Variants in DPP6 observed in about 807,000 individuals in gnomAD.
DPP6 encodes dipeptidyl peptidase like 6.
A neutral mutation model predicts 122.6 loss-of-function variants in DPP6; 69 were observed. The ratio of observed to expected loss-of-function variants is 0.56; its 90% CI spans 0.46 to 0.69. The LOEUF is 0.69. DPP6 is among the 30% of genes least tolerant of loss of function. The probability of loss-of-function intolerance (pLI) is 0.00; values close to 1 mark genes in which losing one functional copy is unlikely to be tolerated. For synonymous variants in DPP6, 418 were observed against 433.1 expected, an observed-to-expected ratio of 0.97 and a Z score of 0.43; for missense variants, 928 against 1,116.9, an observed-to-expected ratio of 0.83 and a Z score of 2.41.
chr7:154,705,016 G>A (rs993149855), intron 7 of DPP6, among the ~76,000 whole-genome samples: 4 of 152,136 alleles, frequency 2.6e-5, no homozygotes, highest in Non-Finnish European at 2.9e-5. Flanking sequence ...ACAAGCACAC[G>A]CCATTGATGT....
intron 5 of DPP6, among the ~76,000 whole-genome samples, chr7:154,615,799 A>T (rs1834210333): frequency 2.0e-5 from 3 of 151,854 alleles, no homozygotes. Flanking sequence ...CTTACCATTC[A>T]CAATGTTGTG....
chr7:154,870,989 G>A (rs62472962), intron 18 of DPP6, among the ~76,000 whole-genome samples: 36,901 of 147,352 alleles, frequency 0.25, 6,068 homozygotes, highest in East Asian at 0.54. Flanking sequence ...AAAAAAATGT[G>A]TGTGTTATCC....
chr7:154,865,139 C>G (rs3778737), intron 17 of DPP6, among the ~76,000 whole-genome samples: 38,678 of 152,090 alleles, frequency 0.25, 6,894 homozygotes, highest in East Asian at 0.51. Flanking sequence ...GCAGACCCCC[C>G]CAGCTGAAGC....
chr7:154,706,155 C>G (rs562012682), intron 7 of DPP6, among the ~76,000 whole-genome samples: 2 of 152,208 alleles, frequency 1.3e-5, no homozygotes, highest in Non-Finnish European at 2.9e-5. Context: ...AGTGTAACTT[C>G]TAGGATCCTG....
chr7:153,966,152 G>A (rs1283853697), intron 1 of DPP6, among the ~76,000 whole-genome samples: 9 of 99,906 alleles, frequency 9.0e-5, no homozygotes, highest in African/African-American at 2.5e-4. Flanking sequence ...CTCTCGTGGC[G>A]TTGAAAAGCT....
intron 3 of DPP6, among the ~76,000 whole-genome samples, chr7:154,499,137 T>C (rs1220339685): frequency 1.3e-5 from 2 of 152,148 alleles, no homozygotes; most frequent in Non-Finnish European, 2.9e-5. Flanking sequence ...ATTGAATCCC[T>C]AGCCAACATT....
chr7:154,401,961 A>G (rs1362952036), intron 1 of DPP6, among the ~76,000 whole-genome samples: 1 of 152,266 alleles, frequency 6.6e-6, no homozygotes, highest in East Asian at 1.9e-4. Flanking sequence ...ACTTCTCAGA[A>G]GAAGACATTT....
At chr7:153,889,469 T>C (rs1799093012) in intron 1 of DPP6, among the ~76,000 whole-genome samples, 1 of 152,196 alleles carries the variant, frequency 6.6e-6, no homozygotes, top group South Asian at 2.1e-4. Flanking sequence ...TTAATTATAC[T>C]GATAAGGCAA....
rs564061799 is a variant in DPP6, at chr7:154,699,718, GC to G, written c.763-28046del. Among the ~76,000 whole-genome samples the G allele has an allele frequency of 6.8e-4, 103 of 152,346 alleles. 1 individual carries two copies. The highest frequency in any genetic ancestry group is 2.5e-3 in the African/African-American group (102 of 41,590). ...TCCCCAGGTGCTGCTGAGTGGCTGG[GC>G]CCAGAGTGGCCTTGGAGAAGCCCTG... On this transcript the variant is annotated intron_variant, in intron 7 of 25. Transcript: ENST00000377770.
intron 10 of DPP6, 98 bp downstream of exon 10, chr7:154,773,040 G>A: frequency 7.4e-7 from 1 of 1,344,242 alleles, no homozygotes; most frequent in Non-Finnish European, 9.6e-7. Flanking sequence ...CTTACAACAA[G>A]TTTAAACATC....
At chr7:153,978,930 G>A (rs868245377) in intron 1 of DPP6, among the ~76,000 whole-genome samples, 24 of 151,996 alleles carry the variant, frequency 1.6e-4, no homozygotes, top group African/African-American at 3.1e-4. Flanking sequence ...TAACAGTACC[G>A]TGCTGTTTTG....
chr7:154,845,358 A>T (rs1324684251), intron 16 of DPP6, among the ~76,000 whole-genome samples: 1 of 152,208 alleles, frequency 6.6e-6, no homozygotes, highest in East Asian at 1.9e-4. Context: ...CACTTTCTTC[A>T]ATCACAAATT....
intron 1 of DPP6, among the ~76,000 whole-genome samples, chr7:153,965,388 C>T (rs2129030572): frequency 6.6e-6 from 1 of 152,262 alleles, no homozygotes; most frequent in South Asian, 2.1e-4. Context: ...GGCAGCGCTC[C>T]TCATGGCCAC....
intron 2 of DPP6, among the ~76,000 whole-genome samples, chr7:154,451,940 C>T (rs1000819318): frequency 6.6e-6 from 1 of 152,224 alleles, no homozygotes; most frequent in Non-Finnish European, 1.5e-5. Flanking sequence ...CGCACCGAGG[C>T]CTGACTGCAT....
intron 16 of DPP6, among the ~76,000 whole-genome samples, chr7:154,841,234 A>C (rs907383309): frequency 6.6e-6 from 1 of 152,156 alleles, no homozygotes; most frequent in Non-Finnish European, 1.5e-5. Context: ...CTGTGGGCTC[A>C]GTCGGGGCGA....
intron 5 of DPP6, chr7:154,588,678 A>C (rs1832625294): frequency 6.7e-6 from 1 of 149,750 alleles, no homozygotes; most frequent in South Asian, 2.1e-4. Flanking sequence ...TTCTAAAAAA[A>C]GGTTTTATTA....
intron 5 of DPP6, among the ~76,000 whole-genome samples, chr7:154,597,332 C>G (rs972065113): frequency 6.6e-6 from 1 of 151,948 alleles, no homozygotes; most frequent in Non-Finnish European, 1.5e-5. Flanking sequence ...GGCTGGGCAC[C>G]GTGGCTCATG....
chr7:154,572,784 A>G (rs1239274299), intron 5 of DPP6, among the ~76,000 whole-genome samples: 1 of 151,070 alleles, frequency 6.6e-6, no homozygotes, highest in African/African-American at 2.4e-5. Context: ...GGTTCAAGTG[A>G]TTCGCCTCCC....
intron 1 of DPP6, among the ~76,000 whole-genome samples, chr7:154,001,801 A>C (rs1338747134): frequency 1.3e-5 from 2 of 152,036 alleles, no homozygotes; most frequent in Non-Finnish European, 2.9e-5. Context: ...TGTAAGATGC[A>C]ATGAGGGAAG....
Sources: gnomAD v4.1 joint callset for allele counts (sites outside exome capture counted in the v4.1 genomes callset) on GRCh38, gnomAD v4.1.1 for gene constraint, MANE v1.5 for transcripts, NCBI Gene and HGNC (gene_info 2026-07-23, HGNC 2026-07-21) for gene names.